Variants in ATP8A2 observed in about 807,000 individuals in gnomAD.
The protein encoded by ATP8A2 is ATPase phospholipid transporting 8A2.
A neutral mutation model predicts 165.6 loss-of-function variants in ATP8A2; 100 were observed. The observed-to-expected ratio is 0.60, with a 90% confidence interval of 0.51 to 0.71. The LOEUF is 0.71. Among genes scored for constraint, ATP8A2 ranks in the 30% least tolerant of loss-of-function variants. ATP8A2 has a pLI of 0.00. For synonymous variants in ATP8A2, 543 were observed against 548.8 expected (o/e 0.99, Z 0.15); for missense variants, 1,227 against 1,479.5 (o/e 0.83, Z 2.80).
intron 33 of ATP8A2, among the ~76,000 whole-genome samples, chr13:25,870,711 TGACTATGG>T (rs767450791): frequency 2.6e-5 from 4 of 152,186 alleles, no homozygotes; most frequent in Non-Finnish European, 5.9e-5. Flanking sequence ...TCTCACTTTG[TGACTATGG>T]AAAGCAGCTA....
chr13:25,802,134 A>G (rs572811769), intron 27 of ATP8A2, among the ~76,000 whole-genome samples: 2 of 152,376 alleles, frequency 1.3e-5, no homozygotes, highest in Admixed American at 1.3e-4. Context: ...TATGAATAGC[A>G]GAACTTTAAA....
At chr13:25,964,565 T>G (rs572828183) in intron 34 of ATP8A2, among the ~76,000 whole-genome samples, 21 of 152,360 alleles carry the variant, frequency 1.4e-4, no homozygotes, top group African/African-American at 4.8e-4. Context: ...GCTGTTGGCT[T>G]CTTCTTCCCA....
chr13:25,745,213 G>A (rs2044004729), intron 25 of ATP8A2, among the ~76,000 whole-genome samples: 1 of 152,170 alleles, frequency 6.6e-6, no homozygotes, highest in Non-Finnish European at 1.5e-5. Context: ...AAAGTGCTGG[G>A]ATTACAGGTG....
At chr13:25,990,610 C>T (rs1003928095) in intron 35 of ATP8A2, among the ~76,000 whole-genome samples, 7 of 152,210 alleles carry the variant, frequency 4.6e-5, no homozygotes, top group Non-Finnish European at 1.0e-4. Flanking sequence ...TAGGAAATAG[C>T]GTTGAGAGGA....
intron 27 of ATP8A2, among the ~76,000 whole-genome samples, chr13:25,784,095 CT>C (rs1332949393): frequency 6.6e-6 from 1 of 152,074 alleles, no homozygotes; most frequent in East Asian, 1.9e-4. Flanking sequence ...ACAATCTATG[CT>C]TTTTTTATGA....
intron 2 of ATP8A2, among the ~76,000 whole-genome samples, chr13:25,525,494 G>A (rs2037814562): frequency 6.6e-6 from 1 of 152,126 alleles, no homozygotes; most frequent in Non-Finnish European, 1.5e-5. Flanking sequence ...GATGGATCTG[G>A]TGATGGTAAA....
chr13:25,693,328 C>T (rs1054495573), intron 24 of ATP8A2, among the ~76,000 whole-genome samples: 2 of 152,200 alleles, frequency 1.3e-5, no homozygotes, highest in Non-Finnish European at 2.9e-5. Flanking sequence ...CTATGTTCCA[C>T]CACATGTGTG....
intron 25 of ATP8A2, among the ~76,000 whole-genome samples, chr13:25,748,315 T>C (rs1306939244): frequency 1.3e-5 from 2 of 152,254 alleles, no homozygotes; most frequent in African/African-American, 4.8e-5. Context: ...ATTTTGAATG[T>C]TCTTTAGAAG....
At chr13:25,963,369 GGGC>G (rs1955703587) in intron 34 of ATP8A2, among the ~76,000 whole-genome samples, 1 of 149,938 alleles carries the variant, frequency 6.7e-6, no homozygotes, top group Non-Finnish European at 1.5e-5. Flanking sequence ...ACTCCAGCCT[GGGC>G]GACAGAGCGA....
At chr13:25,549,741 C>G (rs2038762057) in intron 10 of ATP8A2, among the ~76,000 whole-genome samples, 1 of 151,990 alleles carries the variant, frequency 6.6e-6, no homozygotes. Context: ...TGCTGCAGTT[C>G]TATAGGTGAG....
At chr13:25,671,764 C>CGGTCCTGT (rs1286851128) in intron 24 of ATP8A2, among the ~76,000 whole-genome samples, 14 of 152,252 alleles carry the variant, frequency 9.2e-5, no homozygotes, top group East Asian at 1.9e-4. Flanking sequence ...AATTTTGCCT[C>CGGTCCTGT]GGTCCTGTGG....
At chr13:25,865,877 G>A (rs953143469) in intron 33 of ATP8A2, among the ~76,000 whole-genome samples, 4 of 152,194 alleles carry the variant, frequency 2.6e-5, no homozygotes, top group Non-Finnish European at 5.9e-5. Context: ...CTATCCTGGG[G>A]AATGCCAGTC....
intron 2 of ATP8A2, among the ~76,000 whole-genome samples, chr13:25,513,921 T>C (rs923709802): frequency 9.5e-5 from 13 of 136,712 alleles, no homozygotes; most frequent in Non-Finnish European, 1.8e-4. Context: ...AGTCCAGCTT[T>C]GGCTCGGCAT....
At chr13:25,480,841 G>A (rs1042971796) in intron 2 of ATP8A2, among the ~76,000 whole-genome samples, 3 of 150,596 alleles carry the variant, frequency 2.0e-5, no homozygotes, top group Non-Finnish European at 3.0e-5. Context: ...CCGAGATCAC[G>A]CCACTGCACT....
intron 35 of ATP8A2, among the ~76,000 whole-genome samples, chr13:26,005,348 T>C (rs944088547): frequency 6.6e-6 from 1 of 152,034 alleles, no homozygotes; most frequent in Non-Finnish European, 1.5e-5. Context: ...TCCTAGTCAG[T>C]CTAGCTAGGA....
chr13:25,800,065 T>C, intron 27 of ATP8A2, among the ~76,000 whole-genome samples: 1 of 152,264 alleles, frequency 6.6e-6, no homozygotes, highest in East Asian at 1.9e-4. Context: ...TTACACATAC[T>C]GTATTCACTT....
intron 2 of ATP8A2, among the ~76,000 whole-genome samples, chr13:25,482,467 C>G: frequency 6.6e-6 from 1 of 152,000 alleles, no homozygotes; most frequent in Admixed American, 6.6e-5. Flanking sequence ...TACGAGTCAG[C>G]CTGGAAACTT....
intron 24 of ATP8A2, among the ~76,000 whole-genome samples, chr13:25,672,303 G>T (rs916309446): frequency 6.6e-6 from 1 of 152,114 alleles, no homozygotes; most frequent in African/African-American, 2.4e-5. Context: ...ACTTATCCTT[G>T]TAAGGCACCA....
At chr13:25,700,715 G>A (rs915615802) in intron 25 of ATP8A2, among the ~76,000 whole-genome samples, 9 of 152,146 alleles carry the variant, frequency 5.9e-5, no homozygotes, top group Admixed American at 4.6e-4. Context: ...CTCTGGGTAC[G>A]TGCCTAGAAA....
Sources: gnomAD v4.1 joint callset for allele counts (sites outside exome capture counted in the v4.1 genomes callset) on GRCh38, gnomAD v4.1.1 for gene constraint, MANE v1.5 for transcripts, NCBI Gene and HGNC (gene_info 2026-07-23, HGNC 2026-07-21) for gene names.